Variants in PLPP4 observed in about 807,000 individuals in gnomAD.
PLPP4 encodes phospholipid phosphatase 4, also known as diacylglycerol pyrophosphate like 2.
A neutral mutation model predicts 32.2 loss-of-function variants in PLPP4; 20 were observed. That is an observed-to-expected ratio of 0.62 (90% confidence interval 0.44 to 0.90). The LOEUF is 0.90. Among genes scored for constraint, PLPP4 ranks in the 40% least tolerant of loss-of-function variants. The pLI is 0.00. For missense variants in PLPP4, 257 were observed against 353.1 expected (o/e 0.73, Z 2.18); for synonymous variants, 127 against 133.0 (o/e 0.95, Z 0.31).
chr10:120,514,480 C>G (rs1845858995), intron 3 of PLPP4, among the ~76,000 whole-genome samples: 1 of 152,170 alleles, frequency 6.6e-6, no homozygotes, highest in Non-Finnish European at 1.5e-5. Context: ...CAAACAAGCT[C>G]TATAACTCAT....
intron 1 of PLPP4, among the ~76,000 whole-genome samples, chr10:120,457,592 G>T (rs1274689238): frequency 6.6e-6 from 1 of 152,124 alleles, no homozygotes; most frequent in Non-Finnish European, 1.5e-5. Flanking sequence ...GCTGAGACCT[G>T]CTCCCGGGTC....
intron 5 of PLPP4, among the ~76,000 whole-genome samples, chr10:120,527,164 AATTG>A (rs2133924455): frequency 6.6e-6 from 1 of 152,060 alleles, no homozygotes; most frequent in South Asian, 2.1e-4. Flanking sequence ...GCAATCAATC[AATTG>A]ATTGATTTAT....
intron 1 of PLPP4, among the ~76,000 whole-genome samples, chr10:120,479,213 G>C (rs58512096): frequency 3.3e-5 from 5 of 151,900 alleles, no homozygotes; most frequent in African/African-American, 1.2e-4. Context: ...GCCACAGAGC[G>C]AGACTCCATC....
intron 1 of PLPP4, among the ~76,000 whole-genome samples, chr10:120,494,703 G>T (rs1197093856): frequency 6.6e-6 from 1 of 152,174 alleles, no homozygotes; most frequent in Non-Finnish European, 1.5e-5. Context: ...CTGCTGCAAA[G>T]GAAGCCCCTC....
At chr10:120,543,956 T>C (rs1331767411) in intron 5 of PLPP4, among the ~76,000 whole-genome samples, 2 of 152,248 alleles carry the variant, frequency 1.3e-5, no homozygotes, top group Non-Finnish European at 2.9e-5. Context: ...CCTCCCTTTT[T>C]AAGACTGAAT....
At chr10:120,551,759 T>C (rs1847913177) in intron 5 of PLPP4, among the ~76,000 whole-genome samples, 1 of 152,168 alleles carries the variant, frequency 6.6e-6, no homozygotes, top group South Asian at 2.1e-4. Flanking sequence ...ATGTTCTCTA[T>C]GTTTATTGAG....
chr10:120,463,380 C>A (rs1201827972), intron 1 of PLPP4, among the ~76,000 whole-genome samples: 7 of 152,178 alleles, frequency 4.6e-5, no homozygotes, highest in Non-Finnish European at 1.0e-4. Flanking sequence ...CAAAAGACCT[C>A]GGGCTTTGGA....
intron 5 of PLPP4, among the ~76,000 whole-genome samples, chr10:120,561,342 A>G (rs565286464): frequency 2.6e-5 from 4 of 152,052 alleles, no homozygotes; most frequent in South Asian, 2.1e-4. Flanking sequence ...TAGCAGTCCA[A>G]TTTTTTTTCC....
chr10:120,542,986 A>T (rs1234809393), intron 5 of PLPP4, among the ~76,000 whole-genome samples: 1 of 152,198 alleles, frequency 6.6e-6, no homozygotes, highest in South Asian at 2.1e-4. Flanking sequence ...GACCATGTGC[A>T]TGTAGAAGGA....
At chr10:120,523,056 G>C (rs1341829834) in intron 5 of PLPP4, among the ~76,000 whole-genome samples, 1 of 152,168 alleles carries the variant, frequency 6.6e-6, no homozygotes, top group African/African-American at 2.4e-5. Flanking sequence ...CCAGCACTTT[G>C]GGAGCCCAAG....
intron 1 of PLPP4, among the ~76,000 whole-genome samples, chr10:120,464,125 C>A (rs1270663914): frequency 3.3e-5 from 5 of 152,184 alleles, no homozygotes; most frequent in African/African-American, 7.2e-5. Flanking sequence ...TTGCAACTTA[C>A]CTGCTGTGTG....
At chr10:120,575,973 C>T (rs1017036532) in intron 6 of PLPP4, among the ~76,000 whole-genome samples, 2 of 152,160 alleles carry the variant, frequency 1.3e-5, no homozygotes, top group African/African-American at 4.8e-5. Flanking sequence ...AGAGCTGAGA[C>T]GGAGGTGATG....
intron 5 of PLPP4, among the ~76,000 whole-genome samples, chr10:120,529,777 A>G (rs1846615230): frequency 6.6e-6 from 1 of 152,238 alleles, no homozygotes; most frequent in African/African-American, 2.4e-5. Context: ...AAAAACAAAA[A>G]ATAATAAAAG....
chr10:120,546,894 T>C (rs10510074), intron 5 of PLPP4, among the ~76,000 whole-genome samples: 8,009 of 152,266 alleles, frequency 0.053, 295 homozygotes, highest in Middle Eastern at 0.14. Context: ...TAAACCTGAA[T>C]GTAAAGAAGA....
At chr10:120,587,357 C>G (rs566916397) in intron 6 of PLPP4, 1 of 152,198 alleles carries the variant, frequency 6.6e-6, no homozygotes, top group Non-Finnish European at 1.5e-5. Context: ...TCCAGAGCAG[C>G]GTACTGGGCC....
At chr10:120,508,458 G>C (rs891333209) in intron 2 of PLPP4, among the ~76,000 whole-genome samples, 2 of 152,128 alleles carry the variant, frequency 1.3e-5, no homozygotes, top group African/African-American at 2.4e-5. Flanking sequence ...GCTCCTCTCT[G>C]GCTAACACCC....
Position 120,556,924 on chromosome 10 carries a change from A to G in PLPP4, c.446-18207A>G, listed in dbSNP as rs181773606. Among the ~76,000 whole-genome samples, 16 of 151,304 alleles carry G rather than the reference A, an allele frequency of 1.1e-4. No homozygotes were observed. In the East Asian group the frequency reaches 2.9e-3, roughly 28 times the overall value. Reference sequence around the variant, plus strand: ...ACAATTACTTTTGCACCAACCTAATACTTAGGTTAAGATGTTGCAGTCAGT... The same window carrying G: ...ACAATTACTTTTGCACCAACCTAATGCTTAGGTTAAGATGTTGCAGTCAGT... On this transcript the variant is annotated intron_variant, in intron 5 of 6. Transcript: ENST00000398250.
chr10:120,536,134 A>G (rs560996088), intron 5 of PLPP4, among the ~76,000 whole-genome samples: 13 of 152,142 alleles, frequency 8.5e-5, no homozygotes, highest in African/African-American at 3.1e-4. Flanking sequence ...TAGAGGTTCA[A>G]TACAATCTCT....
intron 5 of PLPP4, among the ~76,000 whole-genome samples, chr10:120,549,911 C>T (rs1249829282): frequency 6.6e-6 from 1 of 151,860 alleles, no homozygotes. Context: ...AATGCTTTTC[C>T]TGTTTGATTG....
Sources: gnomAD v4.1 joint callset for allele counts (sites outside exome capture counted in the v4.1 genomes callset) on GRCh38, gnomAD v4.1.1 for gene constraint, MANE v1.5 for transcripts, NCBI Gene and HGNC (gene_info 2026-07-23, HGNC 2026-07-21) for gene names.